The following CSNK2A2IP variants were observed in gnomAD, a reference collection of about 807,000 sequenced individuals.
The protein encoded by CSNK2A2IP is casein kinase II subunit alpha'-interacting protein.
the CSNK2A2IP span, among the ~76,000 whole-genome samples, chr3:88,462,199 G>A: frequency 3.3e-5 from 5 of 149,912 alleles, no homozygotes; most frequent in African/African-American, 4.9e-5. Flanking sequence ...ATGTCTTTTG[G>A]TTATTGGGAG....
At chr3:88,343,572 C>A in the CSNK2A2IP span, among the ~76,000 whole-genome samples, 2 of 151,744 alleles carry the variant, frequency 1.3e-5, no homozygotes, top group Non-Finnish European at 2.9e-5. Context: ...GTATAGGAAT[C>A]AAACAGGGCT....
At chr3:88,462,064 G>C in the CSNK2A2IP span, among the ~76,000 whole-genome samples, 46 of 150,546 alleles carry the variant, frequency 3.1e-4, no homozygotes, top group South Asian at 1.7e-3. Flanking sequence ...TAATTCCATT[G>C]CCTTTTTTTA....
chr3:88,452,767 G>A, the CSNK2A2IP span, among the ~76,000 whole-genome samples: 456 of 152,010 alleles, frequency 3.0e-3, 3 homozygotes, highest in African/African-American at 9.8e-3. Context: ...CTTTTTTTCA[G>A]GGAATAAAAA....
At chr3:88,360,063 T>A in the CSNK2A2IP span, among the ~76,000 whole-genome samples, 1 of 152,164 alleles carries the variant, frequency 6.6e-6, no homozygotes, top group South Asian at 2.1e-4. Flanking sequence ...TATATATTTA[T>A]AATTGCTATG....
At chr3:88,363,163 A>G in the CSNK2A2IP span, among the ~76,000 whole-genome samples, 9 of 152,010 alleles carry the variant, frequency 5.9e-5, no homozygotes, top group African/African-American at 2.2e-4. Context: ...GCAATACAAG[A>G]CTTTCCTCCC....
chr3:88,428,390 A>G, the CSNK2A2IP span, among the ~76,000 whole-genome samples: 150,456 of 152,230 alleles, frequency 0.99, 74,375 homozygotes, highest in East Asian at 1. Flanking sequence ...GACTTTGGGG[A>G]ACTGTTAAAA....
the CSNK2A2IP span, among the ~76,000 whole-genome samples, chr3:88,453,286 C>G: frequency 6.6e-6 from 1 of 151,878 alleles, no homozygotes; most frequent in African/African-American, 2.4e-5. Context: ...TAATATAGGC[C>G]TAATGGTATT....
the CSNK2A2IP span, among the ~76,000 whole-genome samples, chr3:88,367,540 G>A: frequency 6.6e-6 from 1 of 151,978 alleles, no homozygotes; most frequent in African/African-American, 2.4e-5. Context: ...AAGTTATAAG[G>A]GGTCTCCACA....
the CSNK2A2IP span, chr3:88,466,016 C>G: frequency 8.1e-7 from 1 of 1,231,678 alleles, no homozygotes; most frequent in Non-Finnish European, 1.0e-6. Flanking sequence ...CAATCCAAAC[C>G]TCAGAAAACA....
the CSNK2A2IP span, among the ~76,000 whole-genome samples, chr3:88,363,612 A>G: frequency 3.9e-5 from 6 of 152,148 alleles, no homozygotes; most frequent in Non-Finnish European, 7.4e-5. Flanking sequence ...GATGTCATGC[A>G]TCATTAGTTT....
At chr3:88,348,427 T>A in the CSNK2A2IP span, among the ~76,000 whole-genome samples, 2 of 152,042 alleles carry the variant, frequency 1.3e-5, no homozygotes, top group African/African-American at 4.8e-5. Context: ...CTACTTAGAC[T>A]TCAAAAGGGC....
At chr3:88,385,949 A>T in the CSNK2A2IP span, among the ~76,000 whole-genome samples, 1 of 152,212 alleles carries the variant, frequency 6.6e-6, no homozygotes, top group Non-Finnish European at 1.5e-5. Context: ...TGAACAAGAA[A>T]CATGAAGACT....
At chr3:88,386,331 G>A in the CSNK2A2IP span, among the ~76,000 whole-genome samples, 1 of 152,056 alleles carries the variant, frequency 6.6e-6, no homozygotes, top group South Asian at 2.1e-4. Context: ...TCACCATGTT[G>A]GCCGGGCCAG....
At chr3:88,394,521 C>T in the CSNK2A2IP span, among the ~76,000 whole-genome samples, 1,531 of 152,176 alleles carry the variant, frequency 0.01, 22 homozygotes, top group African/African-American at 0.035. Context: ...TACAGGCATC[C>T]GCCACCACGG....
the CSNK2A2IP span, among the ~76,000 whole-genome samples, chr3:88,445,305 C>T: frequency 5.4e-4 from 19 of 34,972 alleles, no homozygotes; most frequent in Non-Finnish European, 1.5e-3. Context: ...AAAAAATTAG[C>T]CAGGCTTGGT....
the CSNK2A2IP span, among the ~76,000 whole-genome samples, chr3:88,417,064 C>T: frequency 6.6e-6 from 1 of 151,190 alleles, no homozygotes; most frequent in East Asian, 1.9e-4. Flanking sequence ...AACTACTTAG[C>T]ATTATATAAG....
At chr3:88,367,749 G>C in the CSNK2A2IP span, among the ~76,000 whole-genome samples, 1 of 152,044 alleles carries the variant, frequency 6.6e-6, no homozygotes, top group Non-Finnish European at 1.5e-5. Flanking sequence ...GAACTCCTGT[G>C]TTATCTAAAT....
At chr3:88,462,750 A>G in the CSNK2A2IP span, among the ~76,000 whole-genome samples, 1 of 152,154 alleles carries the variant, frequency 6.6e-6, no homozygotes, top group Admixed American at 6.5e-5. Context: ...ATAGAAAAAG[A>G]CTTCTCTGGA....
At chr3:88,465,673 C>T in the CSNK2A2IP span, 4 of 1,231,682 alleles carry the variant, frequency 3.2e-6, no homozygotes, top group East Asian at 9.5e-5. Flanking sequence ...AATAGGCCTC[C>T]ACTGGAGAAG....
Sources: gnomAD v4.1 joint callset for allele counts (sites outside exome capture counted in the v4.1 genomes callset) on GRCh38, gnomAD v4.1.1 for gene constraint, MANE v1.5 for transcripts, NCBI Gene and HGNC (gene_info 2026-07-23, HGNC 2026-07-21) for gene names.